Variants in TP73 observed in about 807,000 individuals in gnomAD.
TP73 encodes the protein p53-like transcription factor.
TP73 carries 25 observed loss-of-function variants against 62.5 expected under a neutral mutation model. That is an observed-to-expected ratio of 0.40 (90% CI 0.29 to 0.56). The LOEUF (loss-of-function observed/expected upper bound fraction) is 0.56. TP73 is among the 20% of genes least tolerant of loss of function. TP73 has a pLI of 0.46. For missense variants in TP73, 754 were observed against 913.3 expected (o/e 0.83, Z 2.25); for synonymous variants, 423 against 377.5 (o/e 1.12, Z -1.40).
chr1:3,669,828 G>A (rs1264113697), intron 1 of TP73, among the ~76,000 whole-genome samples: 1 of 152,246 alleles, frequency 6.6e-6, no homozygotes, highest in East Asian at 1.9e-4. Flanking sequence ...GGGGACAGGG[G>A]AGGGGCTTGT....
At chr1:3,659,818 C>T (rs934901136) in intron 1 of TP73, among the ~76,000 whole-genome samples, 1 of 145,516 alleles carries the variant, frequency 6.9e-6, no homozygotes, top group South Asian at 2.2e-4. Context: ...GAGTTACAGG[C>T]ATGCACCACC....
At chr1:3,660,254 C>CA (rs1171006651) in intron 1 of TP73, among the ~76,000 whole-genome samples, 5 of 152,150 alleles carry the variant, frequency 3.3e-5, no homozygotes, top group Non-Finnish European at 5.9e-5. Context: ...GAATTACTGC[C>CA]AAAAAATCAC....
At position 3,701,749 on chromosome 1, in the gene TP73, T is replaced by C. The variant is rs1570514412; in HGVS notation, c.187-5800T>C. Among the ~76,000 whole-genome samples the C allele has an allele frequency of 6.6e-6, 1 of 152,192 alleles. No homozygotes were observed. The highest frequency in any genetic ancestry group is 1.5e-5 in the Non-Finnish European group (1 of 68,030). ...GTCTTGAACTCCGGACCTCAGGTGA[T>C]CCGCCTGCCTCGTCCTCCCAAATTG... On this transcript the variant is annotated intron_variant, in intron 3 of 13. Coordinates refer to ENST00000378295, the MANE Select transcript of TP73 (RefSeq NM_005427.4). This position sits in a 1 kb window ranked among gnomAD's most constrained non-coding sequence, Gnocchi z 4.7.
At chr1:3,718,875 C>T (rs1162470384) in intron 4 of TP73, among the ~76,000 whole-genome samples, 1 of 152,124 alleles carries the variant, frequency 6.6e-6, no homozygotes, top group Non-Finnish European at 1.5e-5. Context: ...GGCTCCAGCC[C>T]CCCGCAACCA....
intron 1 of TP73, 79 bp downstream of exon 1, chr1:3,652,720 C>G (rs1187949276): frequency 1.3e-5 from 2 of 152,402 alleles, no homozygotes; most frequent in African/African-American, 4.8e-5. Context: ...CACCTGGGCT[C>G]GCAGCTCCGA....
chr1:3,692,571 C>T (rs978954021), intron 3 of TP73, among the ~76,000 whole-genome samples: 1 of 152,186 alleles, frequency 6.6e-6, no homozygotes, highest in Non-Finnish European at 1.5e-5. Flanking sequence ...TCCTGGGGGG[C>T]TGCCTTGTAC....
At chr1:3,710,692 G>C (rs1395518258) in intron 4 of TP73, among the ~76,000 whole-genome samples, 1 of 152,246 alleles carries the variant, frequency 6.6e-6, no homozygotes. Context: ...GAGAGGTCTG[G>C]AGGCTGCGGT....
At chr1:3,717,818 T>A (rs1328300282) in intron 4 of TP73, among the ~76,000 whole-genome samples, 1 of 152,098 alleles carries the variant, frequency 6.6e-6, no homozygotes, top group Non-Finnish European at 1.5e-5. Flanking sequence ...GCAGGGGACA[T>A]CACAGACATC....
At chr1:3,674,578 G>A (rs996158602) in intron 1 of TP73, among the ~76,000 whole-genome samples, 3 of 152,240 alleles carry the variant, frequency 2.0e-5, no homozygotes. Flanking sequence ...TGGCCCCATC[G>A]TACCCACAGA....
At chr1:3,729,824 G>T in intron 10 of TP73, 176 bp from the exon 11 acceptor site, 1 of 971,852 alleles carries the variant, frequency 1.0e-6, no homozygotes, top group Non-Finnish European at 1.5e-6. Context: ...CTCAGGCGCA[G>T]GCCCAGTGGC....
At position 3,707,560 on chromosome 1, in the gene TP73, T is replaced by G. The variant is rs750199740; in HGVS notation, c.198T>G (p.Asn66Lys). The stretch of plus-strand genomic sequence containing the variant: ...CTTTCCCGCGCCAGGCCCAGTTCAA[T>G]CTGCTGAGCAGCACCATGGACCAGA... ...GMTTSVMAQF[N>K]LLSSTMDQMS... The change falls in exon 4 of 14, where the codon AAT becomes AAG. Residue 66 changes from asparagine (N) to lysine (K), a missense_variant. By Grantham distance (94) the Asn-to-Lys change is moderately conservative (BLOSUM62 0). This residue lies in a region of TP73 where 235 missense variants were observed against 251.4 expected (regional missense o/e 0.93). Transcript: ENST00000378295. 2.5e-6 allele frequency: 4 copies of G among 1,607,742 alleles called. No individual in the cohort carries two copies. Among genetic ancestry groups the G allele is most frequent in the Non-Finnish European group, 8.5e-7 (1 of 1,175,870 alleles).
chr1:3,715,288 G>A (rs1278239981), intron 4 of TP73, among the ~76,000 whole-genome samples: 2 of 152,060 alleles, frequency 1.3e-5, no homozygotes, highest in Non-Finnish European at 2.9e-5. Context: ...TCTGGAACCC[G>A]GGGTGACGCC....
At chr1:3,667,499 C>T (rs1645145745) in intron 1 of TP73, among the ~76,000 whole-genome samples, 1 of 152,116 alleles carries the variant, frequency 6.6e-6, no homozygotes, top group African/African-American at 2.4e-5. Flanking sequence ...GCTTGCAATC[C>T]CAGCACTTTG....
chr1:3,686,543 C>G (rs559083807), intron 3 of TP73, among the ~76,000 whole-genome samples: 81 of 152,292 alleles, frequency 5.3e-4, no homozygotes, highest in Non-Finnish European at 4.1e-4. Flanking sequence ...GCCACACTGG[C>G]CCCTGCAGAG....
At position 3,666,535 on chromosome 1, in the gene TP73, A is replaced by G. The variant is rs113049539; in HGVS notation, c.-34+13894A>G. Reference sequence around the variant, plus strand: ...ACTGAAGAGCTGTGGGGAGAAAGGAAGGGGTCTGACAGTGAAGGTGGGTGC... The same window carrying G: ...ACTGAAGAGCTGTGGGGAGAAAGGAGGGGGTCTGACAGTGAAGGTGGGTGC... On this transcript the variant is annotated intron_variant, in intron 1 of 13. Coordinates refer to ENST00000378295, the MANE Select transcript of TP73 (RefSeq NM_005427.4). The surrounding 1 kb of genome is among the most constrained non-coding windows in gnomAD (Gnocchi z 6.4). Among the ~76,000 whole-genome samples, 265 of 152,258 alleles carry G rather than the reference A, an allele frequency of 1.7e-3. 1 individual carries two copies. The highest frequency in any genetic ancestry group is 6.2e-3 in the African/African-American group (256 of 41,544).
intron 1 of TP73, among the ~76,000 whole-genome samples, chr1:3,660,314 A>G (rs1022559526): frequency 1.3e-5 from 2 of 152,198 alleles, no homozygotes; most frequent in African/African-American, 4.8e-5. Context: ...TCCAGGTACA[A>G]GGGCAATTTT....
intron 1 of TP73, among the ~76,000 whole-genome samples, chr1:3,665,681 T>G (rs6679560): frequency 0.83 from 122,181 of 147,474 alleles, 51,038 homozygotes; most frequent in African/African-American, 0.94. Context: ...TTTAGACAAT[T>G]TCTCTCTCTG....
At chr1:3,727,059 A>C in intron 6 of TP73, 56 bp from the exon 7 acceptor site, 1 of 1,487,376 alleles carries the variant, frequency 6.7e-7, no homozygotes. Context: ...CTGCCACCTT[A>C]GTGGATTGGG....
At chr1:3,691,793 G>A (rs1645839988) in intron 3 of TP73, among the ~76,000 whole-genome samples, 1 of 152,232 alleles carries the variant, frequency 6.6e-6, no homozygotes, top group Non-Finnish European at 1.5e-5. Context: ...CATGGGCAGG[G>A]GGCAGCGGGC....
Sources: allele counts gnomAD v4.1 joint callset (sites outside exome capture counted in the v4.1 genomes callset), GRCh38; gene constraint gnomAD v4.1.1; regional missense constraint gnomAD v4.1.1; non-coding constraint Gnocchi (gnomAD v3.1); transcripts MANE v1.5; gene names NCBI Gene and HGNC (gene_info 2026-07-23, HGNC 2026-07-21).